The following SEMA6D variants were observed in gnomAD, a reference collection of about 807,000 sequenced individuals.
The protein encoded by SEMA6D is semaphorin-6D.
A neutral mutation model predicts 106.6 loss-of-function variants in SEMA6D; 35 were observed. The ratio of observed to expected loss-of-function variants is 0.33; its 90% CI spans 0.25 to 0.44. SEMA6D has a LOEUF of 0.44. SEMA6D is among the 20% of genes least tolerant of loss of function. The probability of loss-of-function intolerance (pLI) is 1.00; values close to 1 mark genes in which losing one functional copy is unlikely to be tolerated. For synonymous variants in SEMA6D, 499 were observed against 487.7 expected, an observed-to-expected ratio of 1.02 and a Z score of -0.31; for missense variants, 1,185 against 1,345.9, an observed-to-expected ratio of 0.88 and a Z score of 1.87.
chr15:47,639,913 T>C (rs1169023327), intron 4 of SEMA6D, among the ~76,000 whole-genome samples: 2 of 152,194 alleles, frequency 1.3e-5, no homozygotes, highest in Non-Finnish European at 2.9e-5. Context: ...ACATTTAATA[T>C]GATTTTCTGG....
intron 4 of SEMA6D, among the ~76,000 whole-genome samples, chr15:47,701,284 A>G (rs77633542): frequency 0.15 from 23,065 of 152,164 alleles, 2,372 homozygotes; most frequent in Non-Finnish European, 0.23. Context: ...AATAGGCCAA[A>G]TATTTCATCT....
At chr15:47,388,055 T>C (rs1191433328) in intron 1 of SEMA6D, among the ~76,000 whole-genome samples, 1 of 152,176 alleles carries the variant, frequency 6.6e-6, no homozygotes, top group Admixed American at 6.5e-5. Context: ...TAGGGCTCCC[T>C]GGGGATAGGT....
chr15:47,529,614 A>C (rs968375215), intron 3 of SEMA6D, among the ~76,000 whole-genome samples: 1 of 151,374 alleles, frequency 6.6e-6, no homozygotes, highest in African/African-American at 2.4e-5. Flanking sequence ...AAAAAAAAAA[A>C]AAAAAACAAG....
At chr15:47,601,802 C>G (rs1409916634) in intron 4 of SEMA6D, among the ~76,000 whole-genome samples, 1 of 152,168 alleles carries the variant, frequency 6.6e-6, no homozygotes, top group Non-Finnish European at 1.5e-5. Flanking sequence ...TAGGTATTAA[C>G]TATGGGTCCA....
chr15:47,277,601 TTATTATTA>T (rs1490097792), intron 1 of SEMA6D, among the ~76,000 whole-genome samples: 19 of 4,966 alleles, frequency 3.8e-3, no homozygotes, highest in East Asian at 0.019. Context: ...ATTATTATTA[TTATTATTA>T]TTATTTATTA....
At chr15:47,272,167 A>C (rs1028678800) in intron 1 of SEMA6D, among the ~76,000 whole-genome samples, 1 of 152,130 alleles carries the variant, frequency 6.6e-6, no homozygotes, top group African/African-American at 2.4e-5. Flanking sequence ...TAGTTTGGAG[A>C]CATGTTGCCA....
chr15:47,254,205 C>A (rs555476844), intron 1 of SEMA6D, among the ~76,000 whole-genome samples: 1 of 150,202 alleles, frequency 6.7e-6, no homozygotes, highest in South Asian at 2.1e-4. Flanking sequence ...CTGCCACTTT[C>A]TTGAATTCAT....
At chr15:47,709,745 T>C (rs960453647) in intron 4 of SEMA6D, among the ~76,000 whole-genome samples, 1 of 152,154 alleles carries the variant, frequency 6.6e-6, no homozygotes, top group African/African-American at 2.4e-5. Flanking sequence ...TTTCTAGTGG[T>C]TTAACTTGAA....
At chr15:47,282,495 C>T (rs1260035696) in intron 1 of SEMA6D, among the ~76,000 whole-genome samples, 1 of 152,130 alleles carries the variant, frequency 6.6e-6, no homozygotes, top group Non-Finnish European at 1.5e-5. Context: ...TAGGTGCCTA[C>T]TATCGTGAGT....
intron 3 of SEMA6D, among the ~76,000 whole-genome samples, chr15:47,513,976 A>G (rs188548694): frequency 5.3e-5 from 8 of 152,332 alleles, no homozygotes; most frequent in African/African-American, 1.9e-4. Context: ...ATCCTTGAAG[A>G]GGGATGCAGC....
intron 4 of SEMA6D, among the ~76,000 whole-genome samples, chr15:47,634,599 G>A (rs1441579257): frequency 2.0e-5 from 3 of 152,132 alleles, no homozygotes; most frequent in Admixed American, 1.3e-4. Context: ...ATGCAGCAGA[G>A]GTACGTAGAC....
At chr15:47,321,917 A>G (rs1471352116) in intron 1 of SEMA6D, among the ~76,000 whole-genome samples, 2 of 152,326 alleles carry the variant, frequency 1.3e-5, no homozygotes, top group East Asian at 3.9e-4. Context: ...CATTAAAAAC[A>G]GTGGGGGGCA....
intron 4 of SEMA6D, among the ~76,000 whole-genome samples, chr15:47,624,528 A>G (rs988953486): frequency 2.2e-5 from 3 of 138,340 alleles, no homozygotes; most frequent in Non-Finnish European, 5.0e-5. Context: ...AAAAATAGAA[A>G]GTGTTCTTGA....
chr15:47,357,207 A>G (rs925804661), intron 1 of SEMA6D, among the ~76,000 whole-genome samples: 3 of 151,826 alleles, frequency 2.0e-5, no homozygotes, highest in Non-Finnish European at 4.4e-5. Context: ...GGTGGCGGGC[A>G]CCTGTAGTCC....
intron 3 of SEMA6D, among the ~76,000 whole-genome samples, chr15:47,509,352 A>G (rs1435766): frequency 0.093 from 14,100 of 152,168 alleles, 942 homozygotes; most frequent in East Asian, 0.32. Context: ...GGAAGAACAC[A>G]TGTCTCAATT....
At chr15:47,516,201 G>A (rs1002075199) in intron 3 of SEMA6D, among the ~76,000 whole-genome samples, 3 of 152,100 alleles carry the variant, frequency 2.0e-5, no homozygotes, top group Non-Finnish European at 2.9e-5. Flanking sequence ...TATAGCCATG[G>A]TGACTTATTT....
At chr15:47,226,413 G>T (rs1318716102) in intron 1 of SEMA6D, among the ~76,000 whole-genome samples, 1 of 151,950 alleles carries the variant, frequency 6.6e-6, no homozygotes, top group Non-Finnish European at 1.5e-5. Flanking sequence ...CCATCTCCCC[G>T]TCTAAAACAT....
intron 3 of SEMA6D, among the ~76,000 whole-genome samples, chr15:47,582,091 G>A (rs1033125265): frequency 6.6e-6 from 1 of 152,164 alleles, no homozygotes; most frequent in African/African-American, 2.4e-5. Context: ...CATTCCACTG[G>A]TGAGAGAAAA....
rs367926956 is a variant in SEMA6D at position 47,763,841 on chromosome 15, G to T, written c.748-9G>T. The T allele has an allele frequency of 1.9e-6, 3 of 1,611,350 alleles. No individual in the cohort carries two copies. The highest frequency in any genetic ancestry group is 2.7e-5 in the African/African-American group (2 of 74,764). On this transcript the variant is annotated splice_polypyrimidine_tract_variant and intron_variant, in intron 9 of 18. Coordinates refer to ENST00000536845, the MANE Select transcript of SEMA6D (RefSeq NM_001358351.3). ...TAACCCCATTGCTTTGCTTCTATCC[G>T]TTGGGCAGGCTGTGTATTCCCGCGT...
Sources: gnomAD v4.1 joint callset for allele counts (sites outside exome capture counted in the v4.1 genomes callset) on GRCh38, gnomAD v4.1.1 for gene constraint, MANE v1.5 for transcripts, NCBI Gene and HGNC (gene_info 2026-07-23, HGNC 2026-07-21) for gene names.